The following LRTM2 variants were observed in gnomAD, a reference collection of about 807,000 sequenced individuals.
LRTM2 encodes the protein leucine-rich repeat and transmembrane domain-containing protein 2.
Under a neutral mutation model 28.1 loss-of-function variants are expected in LRTM2, and 18 were observed. The observed-to-expected ratio is 0.64, with a 90% CI of 0.44 to 0.95. The LOEUF is 0.95. LRTM2 is among the 40% of genes least tolerant of loss of function. The pLI is 0.00. For missense variants in LRTM2, 436 were observed against 497.2 expected (o/e 0.88, Z 1.17); for synonymous variants, 250 against 218.7 (o/e 1.14, Z -1.26).
rs1813747603 is a variant in LRTM2 at position 1,829,698 on chromosome 12, C to A, written c.68-1237C>A. On this transcript the variant is annotated intron_variant, in intron 3 of 4. Transcript: ENST00000299194. This position sits in a 1 kb window ranked among gnomAD's most constrained non-coding sequence, Gnocchi z 4.2. ...ACCCAGCTCACAGCCCATCGGCCCACCCCGACCTGGGACAGCCAGGTCCCA... is the reference window on the plus strand; with the variant it reads ...ACCCAGCTCACAGCCCATCGGCCCAACCCGACCTGGGACAGCCAGGTCCCA... Among the ~76,000 whole-genome samples the A allele has an allele frequency of 1.3e-5, 2 of 149,310 alleles. No homozygotes were observed. Among genetic ancestry groups the A allele is most frequent in the Non-Finnish European group, 1.5e-5 (1 of 67,168 alleles).
In LRTM2 at chr12:1,833,439, C is replaced by T. The variant is rs1375415285; in HGVS notation, c.659-828C>T. On this transcript the variant is annotated intron_variant, in intron 4 of 4. Transcript: ENST00000299194. This position sits in a 1 kb window ranked among gnomAD's most constrained non-coding sequence, Gnocchi z 4.2. ...CCAGCCCTGTCCTGCATCTGTGTCT[C>T]CCTCTGTCCAAGCCAGCCTCCACCA... 6.6e-6 allele frequency among the ~76,000 whole-genome samples: 1 copy of T among 152,212 alleles called. No homozygotes were observed. Among genetic ancestry groups the T allele is most frequent in the Admixed American group, 6.5e-5 (1 of 15,290 alleles).
chr12:1,832,162 T>C (rs1223422020), intron 4 of LRTM2, among the ~76,000 whole-genome samples: 1 of 152,158 alleles, frequency 6.6e-6, no homozygotes, highest in Non-Finnish European at 1.5e-5. Context: ...CATGATCACA[T>C]GACATGGGAG....
chr12:1,829,012 C>A lies in LRTM2; in HGVS notation c.67+797C>A, dbSNP rs554973230. 6.6e-6 allele frequency among the ~76,000 whole-genome samples: 1 copy of A among 152,238 alleles called. No individual in the cohort carries two copies. The highest frequency in any genetic ancestry group is 1.5e-5 in the Non-Finnish European group (1 of 68,038). On this transcript the variant is annotated intron_variant, in intron 3 of 4. Transcript: ENST00000299194. This position sits in a 1 kb window ranked among gnomAD's most constrained non-coding sequence, Gnocchi z 4.2. The stretch of plus-strand genomic sequence containing the variant: ...TCCCGCTCTGATCCAGCACCCAACA[C>A]GGGCAGCCTGAATTATTCACCATGT...
Position 1,834,980 on chromosome 12 carries a change from T to G in LRTM2, c.*259T>G. On this transcript the variant is annotated 3_prime_UTR_variant, in exon 5 of 5. Transcript: ENST00000299194. This position sits in a 1 kb window ranked among gnomAD's most constrained non-coding sequence, Gnocchi z 7.6. ...ACATGTGGGGGATCTCCCTAAGCTC[T>G]GGCCACAGCAAAGCAAGGAGGTGTG... The G allele has an allele frequency of 1.7e-6, 1 of 571,652 alleles. No individual in the cohort carries two copies. Among genetic ancestry groups the G allele is most frequent in the Non-Finnish European group, 2.9e-6 (1 of 347,398 alleles). 35.4% of individuals were successfully genotyped at this position (571,652 alleles called of 1,614,324 possible).
In LRTM2 at chr12:1,828,242, G is replaced by T; in HGVS notation, c.67+27G>T. 6.5e-7 allele frequency: 1 copy of T among 1,530,988 alleles called. No individual in the cohort carries two copies. The highest frequency in any genetic ancestry group is 8.8e-7 in the Non-Finnish European group (1 of 1,136,710). 94.8% of individuals were successfully genotyped at this position (1,530,988 alleles called of 1,614,324 possible). A position where few individuals can be genotyped will look rare whatever the true frequency, so the allele number is the denominator to read the frequency against. Reference sequence around the variant, plus strand: ...TGAGTACACCCCTGGCCTCGGAGGGGGGTGCGGGTTGGGTGGGGGTGCCGA... The same window carrying T: ...TGAGTACACCCCTGGCCTCGGAGGGTGGTGCGGGTTGGGTGGGGGTGCCGA... On this transcript the variant is annotated intron_variant, in intron 3 of 4. Transcript: ENST00000299194. This position sits in a 1 kb window ranked among gnomAD's most constrained non-coding sequence, Gnocchi z 4.2.
chr12:1,827,886 C>G (rs1864415417), intron 2 of LRTM2, 190 bp from the exon 3 acceptor site: 1 of 390,852 alleles, frequency 2.6e-6, no homozygotes, highest in African/African-American at 2.1e-5. Flanking sequence ...AAGCCGAAGC[C>G]TGCCCCGCCC....
chr12:1,822,766 G>C (rs147993216), intron 1 of LRTM2, among the ~76,000 whole-genome samples: 31 of 152,340 alleles, frequency 2.0e-4, no homozygotes, highest in Admixed American at 3.9e-4. Flanking sequence ...GGGGGTGATG[G>C]GCAGCTGTCC....
rs918776069 is a variant in LRTM2, at chr12:1,835,450, C to G, written c.*729C>G. 1 of 152,218 alleles carries G rather than the reference C, an allele frequency of 6.6e-6. No individual in the cohort carries two copies. Among genetic ancestry groups the G allele is most frequent in the Non-Finnish European group, 1.5e-5 (1 of 68,130 alleles). The allele number at this position is 152,218 out of a possible 1,614,324, so 9.4% of individuals were successfully genotyped here. A position where few individuals can be genotyped will look rare whatever the true frequency, so the allele number is the denominator to read the frequency against. ...ACACACACACACACACACACTCACA[C>G]GGTCACACGGAGACCGAGGCTATGA... On this transcript the variant is annotated 3_prime_UTR_variant, in exon 5 of 5. Transcript: ENST00000299194.
intron 1 of LRTM2, among the ~76,000 whole-genome samples, chr12:1,826,410 C>CCA (rs752593289): frequency 2.5e-5 from 2 of 79,320 alleles, no homozygotes; most frequent in African/African-American, 7.0e-5. Flanking sequence ...GCCCCCCCCC[C>CCA]CCCCCCGCCA....
Position 1,831,382 on chromosome 12 carries a change from G to T in LRTM2, c.515G>T (p.Arg172Leu), listed in dbSNP as rs761693110. Residue 172 changes from arginine to leucine, a missense_variant, in exon 4 of 5, where the codon CGC becomes CTC. By Grantham distance (102) the Arg-to-Leu change is moderately radical. Coordinates refer to ENST00000299194, the MANE Select transcript of LRTM2 (RefSeq NM_001039029.3). ...GLLALRSLSL[R>L]SNRLQNLDRL... ...CTGGCTCTGCGCTCCCTCTCGCTTC[G>T]CTCCAACCGTCTGCAGAATCTGGAC... 6 of 1,613,874 alleles carry T rather than the reference G, an allele frequency of 3.7e-6. No individual in the cohort carries two copies. Among genetic ancestry groups the T allele is most frequent in the Non-Finnish European group, 5.1e-6 (6 of 1,180,018 alleles).
chr12:1,826,606 C>A (rs1046173301), intron 1 of LRTM2, among the ~76,000 whole-genome samples: 24 of 152,242 alleles, frequency 1.6e-4, no homozygotes, highest in African/African-American at 5.8e-4. Context: ...CTGCCAACGC[C>A]TGCGGGGCCT....
chr12:1,831,058 C>T lies in LRTM2; in HGVS notation c.191C>T (p.Pro64Leu), dbSNP rs201340302. Reference protein sequence around the residue: ...CSGLGLTTVPPDVPAATRTLL... With the variant: ...CSGLGLTTVPLDVPAATRTLL... The stretch of plus-strand genomic sequence containing the variant: ...GGCCTTGGCCTCACCACGGTGCCCC[C>T]AGACGTGCCCGCAGCCACCCGAACC... Residue 64 changes from proline to leucine, a missense_variant, in exon 4 of 5, where the codon CCA (proline) becomes CTA (leucine). Coordinates refer to ENST00000299194, the MANE Select transcript of LRTM2 (RefSeq NM_001039029.3). The T allele has an allele frequency of 3.6e-5, 58 of 1,613,980 alleles. No homozygotes were observed. Among genetic ancestry groups the T allele is most frequent in the Non-Finnish European group, 4.7e-5 (56 of 1,180,050 alleles).
At chr12:1,822,436 C>G (rs749755896) in intron 1 of LRTM2, among the ~76,000 whole-genome samples, 1 of 152,088 alleles carries the variant, frequency 6.6e-6, no homozygotes, top group Non-Finnish European at 1.5e-5. Context: ...GCCTCCTGTG[C>G]CCTGCCTGGG....
Position 1,834,756 on chromosome 12 carries a change from G to T in LRTM2, c.*35G>T. 6.4e-7 allele frequency: 1 copy of T among 1,552,652 alleles called. No homozygotes were observed. Among genetic ancestry groups the T allele is most frequent in the South Asian group, 1.2e-5 (1 of 83,872 alleles). On this transcript the variant is annotated 3_prime_UTR_variant, in exon 5 of 5. Coordinates refer to ENST00000299194, the MANE Select transcript of LRTM2 (RefSeq NM_001039029.3). This position sits in a 1 kb window ranked among gnomAD's most constrained non-coding sequence, Gnocchi z 7.6. ...CCCACCCGGCCAGGTAGGAAGGGCG[G>T]GGAGAGCACACGGCATTGCTCAGCC...
chr12:1,824,882 T>C (rs1592679857), intron 1 of LRTM2, among the ~76,000 whole-genome samples: 1 of 152,176 alleles, frequency 6.6e-6, no homozygotes, highest in East Asian at 1.9e-4. Flanking sequence ...ATATGACTGG[T>C]GTTCCCTGCA....
At chr12:1,824,279 C>A (rs139771443) in intron 1 of LRTM2, among the ~76,000 whole-genome samples, 3 of 152,180 alleles carry the variant, frequency 2.0e-5, no homozygotes, top group African/African-American at 7.2e-5. Flanking sequence ...TGTTAAAATG[C>A]GGATTCTGAC....
Position 1,820,972 on chromosome 12 carries a change from G to A in LRTM2, c.-259+158G>A, listed in dbSNP as rs959080961. Among the ~76,000 whole-genome samples the A allele has an allele frequency of 2.0e-4, 30 of 152,334 alleles. No individual in the cohort carries two copies. The highest frequency in any genetic ancestry group is 1.8e-3 in the Admixed American group (27 of 15,302). On this transcript the variant is annotated intron_variant, in intron 1 of 4. Coordinates refer to ENST00000299194, the MANE Select transcript of LRTM2 (RefSeq NM_001039029.3). This position sits in a 1 kb window ranked among gnomAD's most constrained non-coding sequence, Gnocchi z 6.0. Reference sequence around the variant, plus strand: ...TGCTGGGGCCGAAGAAGCTGCTCGGGCTCAGGCACCTGAGCATCCCAAAGG... The same window carrying A: ...TGCTGGGGCCGAAGAAGCTGCTCGGACTCAGGCACCTGAGCATCCCAAAGG...
Position 1,831,044 on chromosome 12 carries a change from C to T in LRTM2, c.177C>T (p.Leu59=), listed in dbSNP as rs767994608. 3.1e-6 allele frequency: 5 copies of T among 1,614,128 alleles called. No homozygotes were observed. Among genetic ancestry groups the T allele is most frequent in the African/African-American group, 1.3e-5 (1 of 75,070 alleles). ...SLEVDCSGLG[L]TTVPPDVPAA... ...AGGTGGACTGCAGTGGCCTTGGCCT[C>T]ACCACGGTGCCCCCAGACGTGCCCG... is the stretch of plus-strand genomic sequence containing the variant. The change falls in exon 4 of 5, where the codon CTC becomes CTT. Residue 59 remains leucine, a synonymous_variant. Transcript: ENST00000299194.
At position 1,834,941 on chromosome 12, in the gene LRTM2, A is replaced by G. The variant is rs1864792820; in HGVS notation, c.*220A>G. 4.9e-6 allele frequency: 4 copies of G among 821,508 alleles called. No homozygotes were observed. The highest frequency in any genetic ancestry group is 3.6e-6 in the Non-Finnish European group (2 of 550,580). 50.9% of individuals were successfully genotyped at this position (821,508 alleles called of 1,614,324 possible). A position where few individuals can be genotyped will look rare whatever the true frequency, so the allele number is the denominator to read the frequency against. ...TCCTGCTGATGCTCCTGTCTGGGCC[A>G]GTAAATCTTTGGAACATGTGGGGGA... On this transcript the variant is annotated 3_prime_UTR_variant, in exon 5 of 5. Coordinates refer to ENST00000299194, the MANE Select transcript of LRTM2 (RefSeq NM_001039029.3). This position sits in a 1 kb window ranked among gnomAD's most constrained non-coding sequence, Gnocchi z 7.6.
Sources: allele counts gnomAD v4.1 joint callset (sites outside exome capture counted in the v4.1 genomes callset), GRCh38; gene constraint gnomAD v4.1.1; non-coding constraint Gnocchi (gnomAD v3.1); transcripts MANE v1.5; gene names NCBI Gene and HGNC (gene_info 2026-07-23, HGNC 2026-07-21).